Variants in ZNF547 observed in about 807,000 individuals in gnomAD.
The protein encoded by ZNF547 is zinc finger protein 547.
In ZNF547, 4 loss-of-function variants were observed where a neutral mutation model predicts 7.7. That is an observed-to-expected ratio of 0.52 (90% CI 0.26 to 1.20). The LOEUF is 1.20. Among genes scored for constraint, ZNF547 ranks in the 50% most tolerant of loss-of-function variants. ZNF547 has a pLI of 0.14. For missense variants in ZNF547, 449 were observed against 485.8 expected, an observed-to-expected ratio of 0.92 and a Z score of 0.71; for synonymous variants, 166 against 166.2, an observed-to-expected ratio of 1.00 and a Z score of 0.01.
Position 57,378,086 on chromosome 19 carries a change from TCAGA to T in ZNF547, c.1114_1117del (p.Thr372PhefsTer61), listed in dbSNP as rs775655779. On this transcript the variant is annotated frameshift_variant, in exon 4 of 4. Coordinates refer to ENST00000282282, the MANE Select transcript of ZNF547 (RefSeq NM_173631.4). LOFTEE classifies it low-confidence loss of function (END_TRUNC). ...TTACAAAGTCCCACCTCATTTGTCATCAGACAGTTCACACTGCAGCAAAGCAGTG... is the reference window on the plus strand; with the variant it reads ...TTACAAAGTCCCACCTCATTTGTCATCAGTTCACACTGCAGCAAAGCAGTG... 1.2e-6 allele frequency: 2 copies of T among 1,613,946 alleles called. No homozygotes were observed. Among genetic ancestry groups the T allele is most frequent in the Non-Finnish European group, 1.7e-6 (2 of 1,179,974 alleles).
chr19:57,369,613 G>C, intron 2 of ZNF547, among the ~76,000 whole-genome samples: 1 of 152,020 alleles, frequency 6.6e-6, no homozygotes, highest in Non-Finnish European at 1.5e-5. Flanking sequence ...CTCTTACTGG[G>C]TAGCTGTGCA....
chr19:57,373,319 C>A (rs138700459), intron 3 of ZNF547, among the ~76,000 whole-genome samples: 336 of 152,214 alleles, frequency 2.2e-3, no homozygotes, highest in Middle Eastern at 6.8e-3. Flanking sequence ...AAACTGTTCC[C>A]ATGATTCAGT....
intron 3 of ZNF547, among the ~76,000 whole-genome samples, chr19:57,375,538 T>C (rs982540997): frequency 2.0e-5 from 3 of 151,634 alleles, no homozygotes; most frequent in Non-Finnish European, 4.4e-5. Context: ...GGCTCATACC[T>C]GTTATCCCAG....
chr19:57,368,965 T>G (rs1600076263), intron 2 of ZNF547, among the ~76,000 whole-genome samples: 1 of 151,552 alleles, frequency 6.6e-6, no homozygotes, highest in Non-Finnish European at 1.5e-5. Context: ...GGGAGCAGAG[T>G]GGGAGGTGGC....
At chr19:57,377,072 G>T in intron 3 of ZNF547, 56 bp from the exon 4 acceptor site, 2 of 1,506,002 alleles carry the variant, frequency 1.3e-6, no homozygotes, top group Non-Finnish European at 1.8e-6. Context: ...TTGTGATGGG[G>T]TTGCCTCCGC....
chr19:57,375,691 A>G (rs1167782574), intron 3 of ZNF547, among the ~76,000 whole-genome samples: 8 of 148,856 alleles, frequency 5.4e-5, no homozygotes, highest in Non-Finnish European at 7.4e-5. Context: ...AAAAAAAGAC[A>G]TACCCGAGAC....
chr19:57,370,435 T>C (rs1335424414), intron 2 of ZNF547, among the ~76,000 whole-genome samples: 1 of 152,218 alleles, frequency 6.6e-6, no homozygotes, highest in African/African-American at 2.4e-5. Context: ...CTGAGCGTAT[T>C]TGCCGTGCAC....
Position 57,377,889 on chromosome 19 carries a change from T to C in ZNF547, c.913T>C (p.Phe305Leu), listed in dbSNP as rs1353363722. The change falls in exon 4 of 4, where the codon TTT becomes CTT. Residue 305 changes from phenylalanine (F) to leucine (L), a missense_variant. Phe to Leu is a conservative substitution (Grantham distance 22). Coordinates refer to ENST00000282282, the MANE Select transcript of ZNF547 (RefSeq NM_173631.4). ...SYGCSECGKFFMERSTLSRHQ... is the reference protein window; with the variant it reads ...SYGCSECGKFLMERSTLSRHQ... ...TGGTTGCAGTGAATGTGGGAAATTC[T>C]TTATGGAAAGGTCTACACTCAGTAG... 1.2e-6 allele frequency: 2 copies of C among 1,613,948 alleles called. No individual in the cohort carries two copies. The highest frequency in any genetic ancestry group is 1.3e-5 in the African/African-American group (1 of 74,852).
At position 57,371,570 on chromosome 19, in the gene ZNF547, G is replaced by C. The variant is rs1308951211; in HGVS notation, c.25-212G>C. On this transcript the variant is annotated intron_variant, in intron 2 of 3. Coordinates refer to ENST00000282282, the MANE Select transcript of ZNF547 (RefSeq NM_173631.4). ...CAGTACCTGTCCCTGGGTTGATTTA[G>C]AGCATGGGAAATACTGACTTGGTTT... The C allele has an allele frequency of 4.4e-6, 3 of 678,190 alleles. No individual in the cohort carries two copies. The African/African-American group carries it at 5.4e-5, about 12-fold the overall frequency. 42.0% of individuals were successfully genotyped at this position (678,190 alleles called of 1,614,324 possible). A position where few individuals can be genotyped will look rare whatever the true frequency, so the allele number is the denominator to read the frequency against.
intron 2 of ZNF547, chr19:57,370,919 G>A (rs1479197075): frequency 6.6e-6 from 1 of 151,988 alleles, no homozygotes; most frequent in Non-Finnish European, 1.5e-5. Context: ...TTCCTGGAGA[G>A]AGAAAAGTAG....
chr19:57,371,983 T>C (rs2088508015), intron 3 of ZNF547, 75 bp downstream of exon 3: 2 of 1,489,952 alleles, frequency 1.3e-6, no homozygotes, highest in South Asian at 1.5e-5. Flanking sequence ...AGCTCTGCGT[T>C]TCCCACAGTG....
Position 57,378,369 on chromosome 19 carries a change from G to T in ZNF547, c.*184G>T. The T allele has an allele frequency of 2.8e-6, 2 of 724,194 alleles. No individual in the cohort carries two copies. Among genetic ancestry groups the T allele is most frequent in the Admixed American group, 4.1e-5 (2 of 48,742 alleles). 44.9% of individuals were successfully genotyped at this position (724,194 alleles called of 1,614,324 possible). On this transcript the variant is annotated 3_prime_UTR_variant, in exon 4 of 4. Coordinates refer to ENST00000282282, the MANE Select transcript of ZNF547 (RefSeq NM_173631.4). The stretch of plus-strand genomic sequence containing the variant: ...GCAGAAATGTGTGTTCAGCAAACTC[G>T]GGACATTATTTTGGTTTGACTCTCA...
intron 1 of ZNF547, among the ~76,000 whole-genome samples, chr19:57,366,367 G>A (rs1242562478): frequency 6.6e-6 from 1 of 151,280 alleles, no homozygotes; most frequent in Non-Finnish European, 1.5e-5. Flanking sequence ...ACAGGCATAC[G>A]CCTGGCTAAT....
At chr19:57,364,956 A>C in intron 1 of ZNF547, 1 of 1,613,158 alleles carries the variant, frequency 6.2e-7, no homozygotes, top group Non-Finnish European at 8.5e-7. Flanking sequence ...ACCAGTTCAT[A>C]GCTCATGCTG....
rs1484057286 is a variant in ZNF547 at position 57,377,614 on chromosome 19, A to T, written c.638A>T (p.Glu213Val). 10 of 1,613,912 alleles carry T rather than the reference A, an allele frequency of 6.2e-6. No individual in the cohort carries two copies. Among genetic ancestry groups the T allele is most frequent in the Non-Finnish European group, 5.1e-6 (6 of 1,179,988 alleles). Reference protein sequence around the residue: ...QRTHTGERPYECNECGKAFLC... With the variant: ...QRTHTGERPYVCNECGKAFLC... ...ACTCACACTGGAGAAAGGCCTTATG[A>T]GTGCAATGAATGTGGGAAAGCCTTT... Residue 213 changes from glutamate (E) to valine (V), a missense_variant, in exon 4 of 4, where the codon GAG becomes GTG. Transcript: ENST00000282282.
chr19:57,378,145 ACT>A lies in ZNF547; in HGVS notation c.1172_1173del (p.Ser391TyrfsTer16), dbSNP rs1161872447. 5.6e-6 allele frequency: 9 copies of A among 1,611,588 alleles called. No individual in the cohort carries two copies. The highest frequency in any genetic ancestry group is 1.7e-5 in the Admixed American group (1 of 59,962). On this transcript the variant is annotated frameshift_variant, in exon 4 of 4. Coordinates refer to ENST00000282282, the MANE Select transcript of ZNF547 (RefSeq NM_173631.4). LOFTEE classifies it low-confidence loss of function (END_TRUNC). ...GAATGTGGGAAATTCTTTAGGTATA[ACT>A]CTACACTTCTCAGACATCAGAAAGT... is the stretch of plus-strand genomic sequence containing the variant.
chr19:57,370,721 T>TC (rs1352447822), intron 2 of ZNF547, among the ~76,000 whole-genome samples: 1 of 152,068 alleles, frequency 6.6e-6, no homozygotes, highest in Admixed American at 6.6e-5. Context: ...AGAGGATGGA[T>TC]CCCCCCACGG....
At position 57,377,597 on chromosome 19, in the gene ZNF547, T is replaced by G; in HGVS notation, c.621T>G (p.Thr207=). Residue 207 remains threonine (T), a synonymous_variant, in exon 4 of 4, where the codon ACT becomes ACG. Coordinates refer to ENST00000282282, the MANE Select transcript of ZNF547 (RefSeq NM_173631.4). The part of the protein sequence containing the change: ...STLNRHQRTH[T]GERPYECNEC... ...TCAATAGACATCAGAGAACTCACAC[T>G]GGAGAAAGGCCTTATGAGTGCAATG... 1 of 1,614,176 alleles carries G rather than the reference T, an allele frequency of 6.2e-7. No homozygotes were observed. The highest frequency in any genetic ancestry group is 2.2e-5 in the East Asian group (1 of 44,882).
chr19:57,374,666 G>T (rs1156359659), intron 3 of ZNF547, among the ~76,000 whole-genome samples: 1 of 152,142 alleles, frequency 6.6e-6, no homozygotes, highest in Non-Finnish European at 1.5e-5. Flanking sequence ...CATTTCTTCT[G>T]CCAGATACCC....
Sources: allele counts gnomAD v4.1 joint callset (sites outside exome capture counted in the v4.1 genomes callset), GRCh38; gene constraint gnomAD v4.1.1; transcripts MANE v1.5; gene names NCBI Gene and HGNC (gene_info 2026-07-23, HGNC 2026-07-21).